Variants in PDE4D observed in about 807,000 individuals in gnomAD.
PDE4D encodes the protein phosphodiesterase 4D.
In PDE4D, 24 loss-of-function variants were observed where a neutral mutation model predicts 87.4. The ratio of observed to expected loss-of-function variants is 0.27; its 90% CI spans 0.20 to 0.39. The LOEUF (loss-of-function observed/expected upper bound fraction) is 0.39, where lower values mean the gene tolerates loss of function less well. PDE4D is among the 10% of genes least tolerant of loss of function. PDE4D has a pLI of 1.00. For missense variants in PDE4D, 714 were observed against 1,041.0 expected (o/e 0.69, Z 4.32); for synonymous variants, 384 against 383.2 (o/e 1.00, Z -0.02).
chr5:59,485,911 T>C (rs1367756273), intron 1 of PDE4D, among the ~76,000 whole-genome samples: 2 of 152,102 alleles, frequency 1.3e-5, no homozygotes, highest in East Asian at 3.9e-4. Flanking sequence ...GAAAATCCTA[T>C]TCTCTTTAAA....
chr5:60,140,979 G>C (rs1258798788), intron 2 of PDE4D, among the ~76,000 whole-genome samples: 1 of 152,174 alleles, frequency 6.6e-6, no homozygotes, highest in African/African-American at 2.4e-5. Context: ...AGGCAACTAA[G>C]CCCCTTGCGG....
At chr5:60,202,502 A>G (rs1742034896) in intron 1 of PDE4D, among the ~76,000 whole-genome samples, 1 of 152,144 alleles carries the variant, frequency 6.6e-6, no homozygotes, top group South Asian at 2.1e-4. Context: ...AAACTTCTAT[A>G]TATCAAAAAA....
chr5:59,554,441 C>T (rs946522303), intron 1 of PDE4D, among the ~76,000 whole-genome samples: 1 of 152,170 alleles, frequency 6.6e-6, no homozygotes, highest in Non-Finnish European at 1.5e-5. Flanking sequence ...CACACCCAGA[C>T]TATTTAACTC....
intron 1 of PDE4D, among the ~76,000 whole-genome samples, chr5:59,704,446 G>A (rs1261641095): frequency 6.6e-6 from 1 of 152,174 alleles, no homozygotes; most frequent in African/African-American, 2.4e-5. Flanking sequence ...ACAGATTTCT[G>A]TATCAGGGGA....
chr5:59,457,696 G>C (rs892617699), intron 1 of PDE4D, among the ~76,000 whole-genome samples: 9 of 152,044 alleles, frequency 5.9e-5, no homozygotes, highest in African/African-American at 2.2e-4. Context: ...CTCAAGACCA[G>C]CCTGGCCAAC....
At chr5:59,953,636 G>A (rs761752932) in intron 3 of PDE4D, among the ~76,000 whole-genome samples, 6 of 152,054 alleles carry the variant, frequency 3.9e-5, no homozygotes, top group Non-Finnish European at 8.8e-5. Context: ...CATTACAAAG[G>A]CTGGGCAGGC....
intron 4 of PDE4D, among the ~76,000 whole-genome samples, chr5:59,183,283 T>C (rs1316081955): frequency 6.6e-6 from 1 of 152,170 alleles, no homozygotes; most frequent in Admixed American, 6.5e-5. Context: ...TGGTTAGATG[T>C]CACCCTGGGC....
intron 3 of PDE4D, among the ~76,000 whole-genome samples, chr5:59,969,998 C>A (rs193068954): frequency 9.8e-5 from 15 of 152,316 alleles, no homozygotes; most frequent in African/African-American, 3.4e-4. Flanking sequence ...AAGACAGTAA[C>A]TTCTGGAGAA....
chr5:60,365,663 G>A (rs759666450), intron 1 of PDE4D, among the ~76,000 whole-genome samples: 5 of 152,196 alleles, frequency 3.3e-5, no homozygotes, highest in Admixed American at 6.5e-5. Context: ...TACCAAGGGC[G>A]CTGAGATTAC....
chr5:59,408,494 A>G (rs926866642), intron 1 of PDE4D, among the ~76,000 whole-genome samples: 4 of 152,222 alleles, frequency 2.6e-5, no homozygotes, highest in African/African-American at 9.6e-5. Context: ...ATGGGATTGA[A>G]GCCCTGCCCA....
chr5:59,908,258 T>C (rs1027874029), intron 3 of PDE4D, among the ~76,000 whole-genome samples: 1 of 152,142 alleles, frequency 6.6e-6, no homozygotes, highest in African/African-American at 2.4e-5. Flanking sequence ...ATGTCATTAA[T>C]GAAAAAGGCA....
At chr5:59,231,226 ACC>A (rs1755114186) in intron 1 of PDE4D, among the ~76,000 whole-genome samples, 1 of 152,188 alleles carries the variant, frequency 6.6e-6, no homozygotes, top group Non-Finnish European at 1.5e-5. Flanking sequence ...AGACAAAATG[ACC>A]TTGGGAAAGC....
At chr5:59,793,065 T>C (rs772596305) in intron 1 of PDE4D, among the ~76,000 whole-genome samples, 3 of 152,208 alleles carry the variant, frequency 2.0e-5, no homozygotes, top group Non-Finnish European at 2.9e-5. Context: ...GAATGTCCGA[T>C]AGGTAGGAAA....
chr5:59,811,012 T>C (rs1380092082), intron 1 of PDE4D, among the ~76,000 whole-genome samples: 5 of 152,158 alleles, frequency 3.3e-5, no homozygotes, highest in African/African-American at 9.7e-5. Flanking sequence ...AGGAAGAATC[T>C]GGACAAAGGT....
intron 2 of PDE4D, among the ~76,000 whole-genome samples, chr5:60,120,644 T>G (rs1349296027): frequency 6.6e-6 from 1 of 152,140 alleles, no homozygotes; most frequent in Non-Finnish European, 1.5e-5. Context: ...AGCTGTCCAG[T>G]TCCTAAGAGA....
At chr5:60,150,757 A>G (rs1305759434) in intron 2 of PDE4D, among the ~76,000 whole-genome samples, 1 of 152,154 alleles carries the variant, frequency 6.6e-6, no homozygotes, top group Non-Finnish European at 1.5e-5. Context: ...CTTGGCCTCA[A>G]TAATAAAGCT....
chr5:59,944,417 G>A (rs1170940932), intron 3 of PDE4D, among the ~76,000 whole-genome samples: 1 of 151,932 alleles, frequency 6.6e-6, no homozygotes, highest in Non-Finnish European at 1.5e-5. Flanking sequence ...CTGTCGCCCA[G>A]TCTGTAGTGC....
At chr5:59,737,712 T>C (rs927207442) in intron 1 of PDE4D, among the ~76,000 whole-genome samples, 2 of 152,094 alleles carry the variant, frequency 1.3e-5, no homozygotes, top group Non-Finnish European at 2.9e-5. Flanking sequence ...GAATGTTTAA[T>C]ATTATTTTTA....
At chr5:60,313,121 A>G (rs1755199106) in intron 1 of PDE4D, among the ~76,000 whole-genome samples, 1 of 152,176 alleles carries the variant, frequency 6.6e-6, no homozygotes, top group African/African-American at 2.4e-5. Flanking sequence ...AAAAAATTGA[A>G]AGATCAATGA....
Sources: allele counts gnomAD v4.1 joint callset (sites outside exome capture counted in the v4.1 genomes callset), GRCh38; gene constraint gnomAD v4.1.1; transcripts MANE v1.5; gene names NCBI Gene and HGNC (gene_info 2026-07-23, HGNC 2026-07-21).